Variants in ADTRP observed in about 807,000 individuals in gnomAD.
The protein encoded by ADTRP is androgen dependent TFPI regulating protein.
A neutral mutation model predicts 27.0 loss-of-function variants in ADTRP; 20 were observed. The observed-to-expected ratio is 0.74, with a 90% CI of 0.52 to 1.08. The LOEUF is 1.08. Ranked by LOEUF, ADTRP falls within the 50% of genes least tolerant of loss-of-function variation. The pLI, the probability that ADTRP is intolerant of heterozygous loss-of-function variation, is 0.00. For synonymous variants in ADTRP, 101 were observed against 105.2 expected, an observed-to-expected ratio of 0.96 and a Z score of 0.25; for missense variants, 251 against 275.0, an observed-to-expected ratio of 0.91 and a Z score of 0.62.
intron 4 of ADTRP, among the ~76,000 whole-genome samples, chr6:11,729,180 A>C (rs1010425673): frequency 2.0e-5 from 3 of 152,150 alleles, no homozygotes; most frequent in Non-Finnish European, 4.4e-5. Flanking sequence ...TTGGGCATAT[A>C]ATTCTTTCTT....
intron 1 of ADTRP, among the ~76,000 whole-genome samples, chr6:11,778,028 GT>G (rs547459505): frequency 6.8e-4 from 104 of 152,236 alleles, no homozygotes; most frequent in Non-Finnish European, 4.6e-4. Flanking sequence ...CATAAGATTG[GT>G]TTTTAAATAG....
At position 11,769,991 on chromosome 6, in the gene ADTRP, C is replaced by G. The variant is rs999978050; in HGVS notation, c.154-1608G>C. The G allele has an allele frequency of 4.5e-6, 7 of 1,548,816 alleles. No individual in the cohort carries two copies. The East Asian group carries it at 7.3e-5, about 16-fold the overall frequency. ...TTACGAGCCAAGTCCTATCATTAGA[C>G]TCCCCCGCCCACCACCATTTTACAA... On this transcript the variant is annotated intron_variant, in intron 1 of 5. Coordinates refer to ENST00000414691, the MANE Select transcript of ADTRP (RefSeq NM_032744.4).
intron 5 of ADTRP, among the ~76,000 whole-genome samples, chr6:11,718,851 T>G (rs1761918875): frequency 6.6e-6 from 1 of 152,216 alleles, no homozygotes; most frequent in African/African-American, 2.4e-5. Context: ...CAGTGCATTC[T>G]TGAAGGACCT....
chr6:11,741,264 G>A (rs1427121911), intron 3 of ADTRP, among the ~76,000 whole-genome samples: 1 of 152,170 alleles, frequency 6.6e-6, no homozygotes, highest in African/African-American at 2.4e-5. Context: ...ATGAATAAAT[G>A]GATGCACAGG....
chr6:11,716,572 T>C (rs1036559421), intron 5 of ADTRP, among the ~76,000 whole-genome samples: 11 of 152,180 alleles, frequency 7.2e-5, no homozygotes, highest in African/African-American at 2.4e-4. Context: ...GGCGTGAACG[T>C]TGCAAAAATC....
intron 5 of ADTRP, among the ~76,000 whole-genome samples, chr6:11,718,383 T>C (rs1761902291): frequency 6.6e-6 from 1 of 152,060 alleles, no homozygotes; most frequent in Non-Finnish European, 1.5e-5. Flanking sequence ...TGTGGGATGA[T>C]TTTCTCTTCC....
intron 3 of ADTRP, among the ~76,000 whole-genome samples, chr6:11,740,908 G>T (rs1243982479): frequency 6.6e-6 from 1 of 152,136 alleles, no homozygotes; most frequent in Non-Finnish European, 1.5e-5. Context: ...ATGTCTCTAT[G>T]GGACTTAAAA....
intron 3 of ADTRP, 48 bp from the exon 4 acceptor site, chr6:11,735,731 C>T (rs1762528047): frequency 4.0e-6 from 5 of 1,263,444 alleles, no homozygotes; most frequent in Non-Finnish European, 5.8e-6. Context: ...GTCCAGGGTG[C>T]CTACAGTGCC....
intron 1 of ADTRP, among the ~76,000 whole-genome samples, chr6:11,771,974 A>T (rs1763796544): frequency 6.6e-6 from 1 of 152,228 alleles, no homozygotes; most frequent in African/African-American, 2.4e-5. Flanking sequence ...AGCCCAGTCC[A>T]TGGTAGTTTG....
chr6:11,747,974 T>C (rs922678119), intron 3 of ADTRP, among the ~76,000 whole-genome samples: 2 of 152,204 alleles, frequency 1.3e-5, no homozygotes, highest in African/African-American at 4.8e-5. Context: ...CTAATTAACA[T>C]CTGACCACGG....
chr6:11,747,572 A>G (rs894246716), intron 3 of ADTRP, among the ~76,000 whole-genome samples: 2 of 152,222 alleles, frequency 1.3e-5, no homozygotes, highest in African/African-American at 4.8e-5. Flanking sequence ...TTAAAACTCC[A>G]AATTCCATAG....
intron 3 of ADTRP, among the ~76,000 whole-genome samples, chr6:11,747,554 T>C (rs1762906780): frequency 6.6e-6 from 1 of 152,262 alleles, no homozygotes; most frequent in Admixed American, 6.5e-5. Flanking sequence ...TTGATTGCTA[T>C]TGGACTGTTA....
At chr6:11,754,700 G>C (rs1763159185) in intron 3 of ADTRP, among the ~76,000 whole-genome samples, 1 of 152,196 alleles carries the variant, frequency 6.6e-6, no homozygotes, top group Non-Finnish European at 1.5e-5. Flanking sequence ...GATGAGACCA[G>C]GAACAAGGTG....
At chr6:11,725,925 A>G (rs921489425) in intron 4 of ADTRP, among the ~76,000 whole-genome samples, 2 of 131,594 alleles carry the variant, frequency 1.5e-5, no homozygotes, top group Non-Finnish European at 3.4e-5. Context: ...AGGAATTGAA[A>G]ACAGGGATCT....
In ADTRP at chr6:11,741,915, C is replaced by T. The variant is rs916021581; in HGVS notation, c.391-6232G>A. Among the ~76,000 whole-genome samples, 7 of 152,102 alleles carry T rather than the reference C, an allele frequency of 4.6e-5. No homozygotes were observed. In the East Asian group the frequency reaches 7.7e-4, roughly 17 times the overall value. ...CTGACTCACTCCTTTACTCCTCACA[C>T]TCAAACTTCATTCACTTTTCTACCA... On this transcript the variant is annotated intron_variant, in intron 3 of 5. Coordinates refer to ENST00000414691, the MANE Select transcript of ADTRP (RefSeq NM_032744.4).
chr6:11,759,258 C>G (rs1172181961), intron 3 of ADTRP, among the ~76,000 whole-genome samples: 1 of 152,142 alleles, frequency 6.6e-6, no homozygotes, highest in Non-Finnish European at 1.5e-5. Flanking sequence ...AGTAGAAGAA[C>G]CTTTTGGAAA....
chr6:11,754,374 G>A (rs1763149052), intron 3 of ADTRP, among the ~76,000 whole-genome samples: 1 of 152,194 alleles, frequency 6.6e-6, no homozygotes, highest in Admixed American at 6.5e-5. Flanking sequence ...AAGAGACTGA[G>A]GAGGGAGATG....
At chr6:11,752,446 G>C (rs1763088762) in intron 3 of ADTRP, among the ~76,000 whole-genome samples, 1 of 152,094 alleles carries the variant, frequency 6.6e-6, no homozygotes, top group Non-Finnish European at 1.5e-5. Flanking sequence ...GGTTCACTTG[G>C]GAAAACAGAA....
chr6:11,777,621 G>A (rs1764002026), intron 1 of ADTRP, among the ~76,000 whole-genome samples: 1 of 152,156 alleles, frequency 6.6e-6, no homozygotes, highest in African/African-American at 2.4e-5. Context: ...CACTAGAGCT[G>A]TGTTCAGGGT....
Sources: gnomAD v4.1 joint callset for allele counts (sites outside exome capture counted in the v4.1 genomes callset) on GRCh38, gnomAD v4.1.1 for gene constraint, MANE v1.5 for transcripts, NCBI Gene and HGNC (gene_info 2026-07-23, HGNC 2026-07-21) for gene names.